C11orf65: variants seen among roughly 807,000 people sequenced by gnomAD.
C11orf65 encodes protein MFI.
A neutral mutation model predicts 35.3 loss-of-function variants in C11orf65; 38 were observed. The ratio of observed to expected loss-of-function variants is 1.08; its 90% CI spans 0.83 to 1.41. C11orf65 has a LOEUF of 1.41. Among genes scored for constraint, C11orf65 ranks in the 40% most tolerant of loss-of-function variants. The pLI, the probability that C11orf65 is intolerant of heterozygous loss-of-function variation, is 0.00. For missense variants in C11orf65, 370 were observed against 367.1 expected (o/e 1.01, Z -0.06); for synonymous variants, 105 against 114.4 (o/e 0.92, Z 0.53).
chr11:108,421,575 T>C (rs2092817505), intron 3 of C11orf65, among the ~76,000 whole-genome samples: 1 of 152,052 alleles, frequency 6.6e-6, no homozygotes, highest in Admixed American at 6.5e-5. Flanking sequence ...GGAGAATCAC[T>C]TGAATCTGGG....
At chr11:108,410,041 G>A (rs1322674638) in intron 3 of C11orf65, among the ~76,000 whole-genome samples, 1 of 152,136 alleles carries the variant, frequency 6.6e-6, no homozygotes, top group Non-Finnish European at 1.5e-5. Context: ...TTTTGCTTAT[G>A]ATATTTTCAC....
At chr11:108,364,984 A>C (rs1189315716) in intron 2 of C11orf65, 2 of 1,404,112 alleles carry the variant, frequency 1.4e-6, no homozygotes, top group Non-Finnish European at 9.9e-7. Flanking sequence ...ATCAACTACC[A>C]TGTGACTGGC....
intron 3 of C11orf65, among the ~76,000 whole-genome samples, chr11:108,420,592 T>A (rs971131096): frequency 1.3e-5 from 2 of 152,176 alleles, no homozygotes; most frequent in African/African-American, 2.4e-5. Context: ...GGAGGCTGTC[T>A]GTGGACTGCA....
chr11:108,413,203 T>C (rs1399626171), intron 3 of C11orf65, among the ~76,000 whole-genome samples: 1 of 152,242 alleles, frequency 6.6e-6, no homozygotes, highest in Non-Finnish European at 1.5e-5. Flanking sequence ...TTTTTATTTG[T>C]ACAAATTTGT....
At position 108,416,989 on chromosome 11, in the gene C11orf65, A is replaced by G. The variant is rs148345776; in HGVS notation, c.175-9840T>C. ...AAAATGCAAATCTATATATGATTTC[A>G]TAAGTCAAATATGCATGTTGCAATC... is the stretch of plus-strand genomic sequence containing the variant. On this transcript the variant is annotated intron_variant, in intron 3 of 8. Coordinates refer to ENST00000393084, the MANE Select transcript of C11orf65 (RefSeq NM_152587.5). 9.8e-4 allele frequency among the ~76,000 whole-genome samples: 149 copies of G among 152,352 alleles called. No homozygotes were observed. In the East Asian group the frequency reaches 0.023, roughly 23 times the overall value.
chr11:108,351,908 G>A lies in C11orf65; in HGVS notation c.227-16616C>T, dbSNP rs539482749. 1.3e-4 allele frequency among the ~76,000 whole-genome samples: 20 copies of A among 152,198 alleles called. No homozygotes were observed. In the South Asian group the frequency reaches 3.7e-3, roughly 28 times the overall value. ...TTCTGACTCACTCCTTGGTGTCAGT[G>A]GACATATCCGGGGAACCTGGACTTT... On this transcript the variant is annotated intron_variant, in intron 2 of 3. Coordinates refer to the C11orf65 transcript ENST00000524755.
intron 1 of C11orf65, among the ~76,000 whole-genome samples, chr11:108,465,352 C>T (rs574748924): frequency 2.6e-5 from 4 of 152,076 alleles, no homozygotes; most frequent in Non-Finnish European, 5.9e-5. Flanking sequence ...TTTATGAATA[C>T]ACAAAATATA....
chr11:108,453,194 AC>A (rs2093373143), intron 2 of C11orf65, among the ~76,000 whole-genome samples: 1 of 151,882 alleles, frequency 6.6e-6, no homozygotes, highest in Non-Finnish European at 1.5e-5. Flanking sequence ...AAATATTGCC[AC>A]CTCCTGTCAA....
rs369001797 is a variant in C11orf65 at position 108,325,564 on chromosome 11, A to G, written c.641-16493T>C. 4 of 1,556,198 alleles carry G rather than the reference A, an allele frequency of 2.6e-6. No homozygotes were observed. The African/African-American group carries it at 5.4e-5, about 21-fold the overall frequency. On this transcript the variant is annotated intron_variant, in intron 6 of 6. Transcript: ENST00000525729. ...ACTCAGGTAAATACAATTTAAAACT[A>G]TGTCATCTTACCTCTTGACTTTCCT...
At chr11:108,434,162 T>C (rs1282457761) in intron 2 of C11orf65, among the ~76,000 whole-genome samples, 2 of 152,178 alleles carry the variant, frequency 1.3e-5, no homozygotes, top group African/African-American at 2.4e-5. Context: ...CCCTAGCCAC[T>C]GCTATCCTTG....
At chr11:108,309,638 A>G (rs962488070) in intron 6 of C11orf65, among the ~76,000 whole-genome samples, 1 of 152,218 alleles carries the variant, frequency 6.6e-6, no homozygotes, top group Non-Finnish European at 1.5e-5. Context: ...GTCCCTTTCA[A>G]TCTTGACCTA....
chr11:108,443,512 G>A (rs113624966), intron 2 of C11orf65, among the ~76,000 whole-genome samples: 1 of 152,046 alleles, frequency 6.6e-6, no homozygotes, highest in African/African-American at 2.4e-5. Context: ...CCCAAATCAA[G>A]AGAATATACA....
intron 7 of C11orf65, among the ~76,000 whole-genome samples, chr11:108,390,115 C>A (rs2092117802): frequency 6.6e-6 from 1 of 151,986 alleles, no homozygotes; most frequent in Admixed American, 6.6e-5. Flanking sequence ...CCTCCACCTC[C>A]TGGGTTCACG....
At chr11:108,349,141 C>CA (rs763535311) in intron 2 of C11orf65, among the ~76,000 whole-genome samples, 3 of 152,102 alleles carry the variant, frequency 2.0e-5, no homozygotes, top group Non-Finnish European at 2.9e-5. Context: ...GAGAAGTACT[C>CA]AAAGGAAGTC....
intron 2 of C11orf65, among the ~76,000 whole-genome samples, chr11:108,359,614 A>G (rs1378298286): frequency 6.6e-6 from 1 of 152,236 alleles, no homozygotes; most frequent in African/African-American, 2.4e-5. Flanking sequence ...CCACAGTGAC[A>G]TCAAACTAGA....
intron 2 of C11orf65, chr11:108,340,509 A>G (rs1029418375): frequency 5.9e-5 from 9 of 152,196 alleles, no homozygotes; most frequent in Admixed American, 2.0e-4. Context: ...TGTCTATTCC[A>G]TCAGCAAGTC....
At chr11:108,416,571 G>A (rs531503835) in intron 3 of C11orf65, among the ~76,000 whole-genome samples, 37 of 152,100 alleles carry the variant, frequency 2.4e-4, no homozygotes, top group Middle Eastern at 3.4e-3. Flanking sequence ...CCAGCTACTC[G>A]GGACACTGAG....
At position 108,335,070 on chromosome 11, in the gene C11orf65, T is replaced by C. The variant is rs786201543; in HGVS notation, c.299+150A>G. ...TAAATTTACCAAAAATAATAGATTGTGTAGGTTCCGATGGCAAGGAGAGGA... is the reference window on the plus strand; with the variant it reads ...TAAATTTACCAAAAATAATAGATTGCGTAGGTTCCGATGGCAAGGAGAGGA... On this transcript the variant is annotated intron_variant, in intron 3 of 3. Coordinates refer to the C11orf65 transcript ENST00000524755. The C allele has an allele frequency of 6.2e-7, 1 of 1,613,980 alleles. No individual in the cohort carries two copies. Among genetic ancestry groups the C allele is most frequent in the Non-Finnish European group, 8.5e-7 (1 of 1,179,992 alleles).
rs1591183992 is a variant in C11orf65, at chr11:108,333,881, T to C, written c.299+1339A>G. On this transcript the variant is annotated intron_variant, in intron 3 of 3. Coordinates refer to the C11orf65 transcript ENST00000524755. ...TCACTAAAATCTCTTCATTTTTAAA[T>C]ACAGAAGGCATAAATATTCCAGCAG... The C allele has an allele frequency of 1.3e-6, 2 of 1,597,528 alleles. No individual in the cohort carries two copies. The highest frequency in any genetic ancestry group is 1.7e-6 in the Non-Finnish European group (2 of 1,165,022).
Sources: allele counts gnomAD v4.1 joint callset (sites outside exome capture counted in the v4.1 genomes callset), GRCh38; gene constraint gnomAD v4.1.1; transcripts MANE v1.5; gene names NCBI Gene and HGNC (gene_info 2026-07-23, HGNC 2026-07-21).